Variants in UNC5D observed in about 807,000 individuals in gnomAD.
The protein encoded by UNC5D is netrin receptor UNC5D.
UNC5D carries 39 observed loss-of-function variants against 105.4 expected under a neutral mutation model. That is an observed-to-expected ratio of 0.37 (90% CI 0.29 to 0.48). The LOEUF (loss-of-function observed/expected upper bound fraction) is 0.48. UNC5D is among the 20% of genes least tolerant of loss of function. UNC5D has a pLI of 0.98. For missense variants in UNC5D, 991 were observed against 1,202.4 expected, an observed-to-expected ratio of 0.82 and a Z score of 2.60; for synonymous variants, 452 against 450.4, an observed-to-expected ratio of 1.00 and a Z score of -0.04.
intron 15 of UNC5D, among the ~76,000 whole-genome samples, chr8:35,771,913 T>C (rs1802028107): frequency 6.6e-6 from 1 of 152,198 alleles, no homozygotes; most frequent in Non-Finnish European, 1.5e-5. Context: ...CTGTGGAGTC[T>C]ATACAAATGC....
Position 35,794,874 on chromosome 8 carries a change from A to G in UNC5D, c.*4311A>G, listed in dbSNP as rs867679133. Reference sequence around the variant, plus strand: ...ACACTGTAATTCTTCGAAAAGTAACAGGGGATGGAAATCAGACCTGGCCGT... The same window carrying G: ...ACACTGTAATTCTTCGAAAAGTAACGGGGGATGGAAATCAGACCTGGCCGT... On this transcript the variant is annotated 3_prime_UTR_variant, in exon 17 of 17. Coordinates refer to ENST00000404895, the MANE Select transcript of UNC5D (RefSeq NM_080872.4). 1.4e-4 allele frequency: 21 copies of G among 152,334 alleles called. No homozygotes were observed. Among genetic ancestry groups the G allele is most frequent in the African/African-American group, 4.6e-4 (19 of 41,564 alleles). The allele number at this position is 152,334 out of a possible 1,614,324, so 9.4% of individuals were successfully genotyped here.
At chr8:35,532,417 C>T (rs1470715349) in intron 1 of UNC5D, among the ~76,000 whole-genome samples, 4 of 126,784 alleles carry the variant, frequency 3.2e-5, no homozygotes, top group Non-Finnish European at 6.6e-5. Context: ...GAGAGATCCG[C>T]TGTTAGTCTG....
At chr8:35,470,514 G>A (rs1419663055) in intron 1 of UNC5D, among the ~76,000 whole-genome samples, 1 of 150,718 alleles carries the variant, frequency 6.6e-6, no homozygotes, top group East Asian at 2.0e-4. Flanking sequence ...TCAGCACTTT[G>A]GGAGGCTGAG....
At chr8:35,593,254 T>G (rs1186133960) in intron 3 of UNC5D, among the ~76,000 whole-genome samples, 2 of 151,686 alleles carry the variant, frequency 1.3e-5, no homozygotes, top group Admixed American at 6.6e-5. Context: ...ACTAAGTATT[T>G]TTTTACATTT....
intron 1 of UNC5D, among the ~76,000 whole-genome samples, chr8:35,445,761 G>A (rs1807741657): frequency 6.6e-6 from 1 of 152,004 alleles, no homozygotes; most frequent in Non-Finnish European, 1.5e-5. Context: ...GCAAACTATA[G>A]GTGGTGCTCA....
chr8:35,710,934 C>CTTTTTTTTTTTTTTTTTTTTTTTTTTTT lies in UNC5D; in HGVS notation c.1117+4995_1117+4996insTTTTTTTTTTTTTTTTTTTTTTTTTTTT, dbSNP rs775014566. The stretch of plus-strand genomic sequence containing the variant: ...GCCTCTTCAGTAGCTCAGCATTATT[C>CTTTTTTTTTTTTTTTTTTTTTTTTTTTT]TTTTTTTTTTTTTTTTTTTTTTGAG... On this transcript the variant is annotated intron_variant, in intron 8 of 16. Coordinates refer to ENST00000404895, the MANE Select transcript of UNC5D (RefSeq NM_080872.4). Among the ~76,000 whole-genome samples, 8 of 114,376 alleles carry CTTTTTTTTTTTTTTTTTTTTTTTTTTTT rather than the reference C, an allele frequency of 7.0e-5. 2 individuals carry two copies. Among genetic ancestry groups the CTTTTTTTTTTTTTTTTTTTTTTTTTTTT allele is most frequent in the African/African-American group, 2.8e-4 (7 of 25,038 alleles). 75.0% of individuals were successfully genotyped at this position (114,376 alleles called of 152,430 possible). A position where few individuals can be genotyped will look rare whatever the true frequency, so the allele number is the denominator to read the frequency against.
intron 16 of UNC5D, among the ~76,000 whole-genome samples, chr8:35,781,919 T>C (rs1778455846): frequency 6.6e-6 from 1 of 152,190 alleles, no homozygotes; most frequent in African/African-American, 2.4e-5. Context: ...AGGATAATGA[T>C]GAGGGAAATT....
At chr8:35,454,417 C>G (rs1387514301) in intron 1 of UNC5D, among the ~76,000 whole-genome samples, 1 of 152,142 alleles carries the variant, frequency 6.6e-6, no homozygotes, top group Non-Finnish European at 1.5e-5. Flanking sequence ...ACAGGAAGAG[C>G]TGCTCACCCC....
At chr8:35,776,871 G>A (rs1802270617) in intron 16 of UNC5D, among the ~76,000 whole-genome samples, 1 of 152,170 alleles carries the variant, frequency 6.6e-6, no homozygotes, top group Non-Finnish European at 1.5e-5. Context: ...CACTGTAGGA[G>A]GCCAAGGTGG....
chr8:35,490,201 T>C (rs901019062), intron 1 of UNC5D, among the ~76,000 whole-genome samples: 1 of 152,182 alleles, frequency 6.6e-6, no homozygotes, highest in African/African-American at 2.4e-5. Flanking sequence ...TGTCTTCTTT[T>C]GGTGTATTAA....
At chr8:35,389,489 A>G (rs1803635659) in intron 1 of UNC5D, among the ~76,000 whole-genome samples, 1 of 152,174 alleles carries the variant, frequency 6.6e-6, no homozygotes, top group Non-Finnish European at 1.5e-5. Flanking sequence ...AAACAATACC[A>G]TAACATGACT....
At chr8:35,304,123 T>C (rs1262929710) in intron 1 of UNC5D, among the ~76,000 whole-genome samples, 1 of 152,148 alleles carries the variant, frequency 6.6e-6, no homozygotes, top group Non-Finnish European at 1.5e-5. Flanking sequence ...TTGGTTTTTT[T>C]TTCCTTAAGT....
At chr8:35,614,563 C>G (rs1463243678) in intron 4 of UNC5D, among the ~76,000 whole-genome samples, 1 of 150,482 alleles carries the variant, frequency 6.6e-6, no homozygotes, top group Non-Finnish European at 1.5e-5. Flanking sequence ...CTAATACACT[C>G]TAAAAAAAAA....
intron 1 of UNC5D, among the ~76,000 whole-genome samples, chr8:35,442,857 ATCTC>A (rs138221035): frequency 0.024 from 2,544 of 106,858 alleles, 78 homozygotes; most frequent in African/African-American, 0.078. Flanking sequence ...TTCTTACACC[ATCTC>A]TCTCTCTCTC....
intron 4 of UNC5D, among the ~76,000 whole-genome samples, chr8:35,665,673 T>C (rs2131252968): frequency 6.6e-6 from 1 of 151,784 alleles, no homozygotes; most frequent in Non-Finnish European, 1.5e-5. Context: ...TTGCATTTTT[T>C]TCATTTTGCA....
At chr8:35,507,618 T>G (rs1035860465) in intron 1 of UNC5D, among the ~76,000 whole-genome samples, 8 of 147,444 alleles carry the variant, frequency 5.4e-5, no homozygotes, top group Admixed American at 1.4e-4. Context: ...AGTAGTGGGG[T>G]GATGGGGGAG....
chr8:35,471,382 T>C (rs1314973053), intron 1 of UNC5D, among the ~76,000 whole-genome samples: 1 of 152,110 alleles, frequency 6.6e-6, no homozygotes, highest in Non-Finnish European at 1.5e-5. Context: ...TCTCAGCAAA[T>C]AGAAGACACT....
chr8:35,585,612 T>A (rs1818742933), intron 3 of UNC5D, among the ~76,000 whole-genome samples: 1 of 151,766 alleles, frequency 6.6e-6, no homozygotes, highest in South Asian at 2.1e-4. Flanking sequence ...CAATGAAAAG[T>A]TTTGTGCTAT....
chr8:35,626,098 T>C (rs914704879), intron 4 of UNC5D, among the ~76,000 whole-genome samples: 2 of 152,132 alleles, frequency 1.3e-5, no homozygotes, highest in African/African-American at 4.8e-5. Context: ...TCATTAATGC[T>C]AATGGGAGCT....
Sources: allele counts gnomAD v4.1 joint callset (sites outside exome capture counted in the v4.1 genomes callset), GRCh38; gene constraint gnomAD v4.1.1; transcripts MANE v1.5; gene names NCBI Gene and HGNC (gene_info 2026-07-23, HGNC 2026-07-21).